Variants in PRKAG2 observed in about 807,000 individuals in gnomAD.
PRKAG2 encodes the protein 5'-AMP-activated protein kinase subunit gamma-2.
PRKAG2 carries 26 observed loss-of-function variants against 69.6 expected under a neutral mutation model. The observed-to-expected ratio is 0.37, with a 90% CI of 0.27 to 0.52. The LOEUF is 0.52. Among genes scored for constraint, PRKAG2 ranks in the 20% least tolerant of loss-of-function variants. The probability of loss-of-function intolerance (pLI) is 0.90; values close to 1 mark genes in which losing one functional copy is unlikely to be tolerated. For synonymous variants in PRKAG2, 293 were observed against 285.0 expected, an observed-to-expected ratio of 1.03 and a Z score of -0.28; for missense variants, 557 against 740.0, an observed-to-expected ratio of 0.75 and a Z score of 2.87.
At chr7:151,710,270 C>A (rs1279206960) in intron 3 of PRKAG2, among the ~76,000 whole-genome samples, 1 of 152,170 alleles carries the variant, frequency 6.6e-6, no homozygotes, top group African/African-American at 2.4e-5. Context: ...CCACCCGTGC[C>A]CCGCCCAGCC....
At chr7:151,773,064 A>G in intron 3 of PRKAG2, among the ~76,000 whole-genome samples, 1 of 34,220 alleles carries the variant, frequency 2.9e-5, no homozygotes, top group Admixed American at 3.2e-4. Flanking sequence ...GGAGGGAGGG[A>G]GGGAGGGAGG....
intron 3 of PRKAG2, among the ~76,000 whole-genome samples, chr7:151,736,754 G>C (rs2536063): frequency 0.69 from 104,788 of 152,120 alleles, 37,177 homozygotes; most frequent in East Asian, 0.91. Context: ...ACAGCTCCCC[G>C]ACTGGAATTT....
At chr7:151,824,673 T>G (rs2078867082) in intron 1 of PRKAG2, among the ~76,000 whole-genome samples, 1 of 152,192 alleles carries the variant, frequency 6.6e-6, no homozygotes, top group Non-Finnish European at 1.5e-5. Flanking sequence ...AGACAGGAAC[T>G]GCTCCTTCAG....
chr7:151,624,598 C>T (rs981082847), intron 5 of PRKAG2, among the ~76,000 whole-genome samples: 7 of 152,142 alleles, frequency 4.6e-5, no homozygotes, highest in African/African-American at 1.4e-4. Context: ...AGTGTAATCA[C>T]GGCCATGAAA....
chr7:151,739,973 A>G (rs2073758977), intron 3 of PRKAG2, among the ~76,000 whole-genome samples: 2 of 152,064 alleles, frequency 1.3e-5, no homozygotes, highest in African/African-American at 2.4e-5. Context: ...CTTCTATTCT[A>G]TATGTGAATG....
intron 3 of PRKAG2, among the ~76,000 whole-genome samples, chr7:151,744,423 C>G (rs369956075): frequency 6.6e-6 from 1 of 152,164 alleles, no homozygotes; most frequent in Non-Finnish European, 1.5e-5. Context: ...TTGTCCCCCA[C>G]CCCACCACTG....
At position 151,675,419 on chromosome 7, in the gene PRKAG2, C is replaced by G; in HGVS notation, c.684+1G>C. On this transcript the variant is annotated splice_donor_variant, in intron 4 of 15. Transcript: ENST00000287878. LOFTEE classifies it high-confidence loss of function. Reference sequence around the variant, plus strand: ...CCACCCACAGAAGGGCCCAGACTTACGGCTTTGGAGGGAGCATAGTGTGTC... The same window carrying G: ...CCACCCACAGAAGGGCCCAGACTTAGGGCTTTGGAGGGAGCATAGTGTGTC... The G allele has an allele frequency of 3.1e-6, 5 of 1,613,654 alleles. No homozygotes were observed. Among genetic ancestry groups the G allele is most frequent in the Non-Finnish European group, 4.2e-6 (5 of 1,179,650 alleles).
intron 4 of PRKAG2, among the ~76,000 whole-genome samples, chr7:151,642,118 G>A (rs972183285): frequency 4.0e-5 from 6 of 150,902 alleles, no homozygotes; most frequent in Admixed American, 2.0e-4. Flanking sequence ...GGTGGATCAC[G>A]AGGTCAGGAG....
At chr7:151,679,412 T>C (rs939283477) in intron 3 of PRKAG2, among the ~76,000 whole-genome samples, 2 of 152,132 alleles carry the variant, frequency 1.3e-5, no homozygotes, top group Non-Finnish European at 2.9e-5. Context: ...TAGGACAGGC[T>C]ATCTCCTCTC....
intron 3 of PRKAG2, among the ~76,000 whole-genome samples, chr7:151,762,867 G>A (rs146086925): frequency 3.9e-5 from 6 of 152,302 alleles, no homozygotes; most frequent in Non-Finnish European, 8.8e-5. Flanking sequence ...CTCCCTGACT[G>A]ATGGCTGGCT....
chr7:151,830,019 T>C (rs1301281700), intron 1 of PRKAG2, among the ~76,000 whole-genome samples: 1 of 151,748 alleles, frequency 6.6e-6, no homozygotes, highest in Non-Finnish European at 1.5e-5. Flanking sequence ...AGAACCACAC[T>C]TTCTGCGTTA....
At chr7:151,810,276 C>A (rs1220382593) in intron 1 of PRKAG2, 1 of 152,174 alleles carries the variant, frequency 6.6e-6, no homozygotes, top group Non-Finnish European at 1.5e-5. Context: ...AAAGCAAGAA[C>A]GTCTTCATCT....
intron 3 of PRKAG2, among the ~76,000 whole-genome samples, chr7:151,764,378 G>A (rs1408751212): frequency 6.6e-6 from 1 of 152,162 alleles, no homozygotes; most frequent in Non-Finnish European, 1.5e-5. Context: ...AGAGGTTGGC[G>A]CCCTTCCTTG....
rs372273046 is a variant in PRKAG2, at chr7:151,570,046, T to A, written c.1106+125A>T. The A allele has an allele frequency of 2.4e-5, 27 of 1,134,694 alleles. No individual in the cohort carries two copies. In the East Asian group the frequency reaches 5.6e-4, roughly 24 times the overall value. The allele number at this position is 1,134,694 out of a possible 1,614,324, so 70.3% of individuals were successfully genotyped here. A position where few individuals can be genotyped will look rare whatever the true frequency, so the allele number is the denominator to read the frequency against. Reference sequence around the variant, plus strand: ...ATTTACTGAATGCGTACAGTGTAGCTGGAATTAAGGAGGCAGGCCCTGTTT... The same window carrying A: ...ATTTACTGAATGCGTACAGTGTAGCAGGAATTAAGGAGGCAGGCCCTGTTT... On this transcript the variant is annotated intron_variant, in intron 10 of 15. Transcript: ENST00000287878.
chr7:151,856,928 A>G (rs2079793870), intron 1 of PRKAG2, among the ~76,000 whole-genome samples: 3 of 152,196 alleles, frequency 2.0e-5, no homozygotes, highest in Admixed American at 2.0e-4. Flanking sequence ...GAGCAGAGAA[A>G]GAGGAAAGAA....
chr7:151,812,312 G>A (rs62478247), intron 1 of PRKAG2, among the ~76,000 whole-genome samples: 32,606 of 152,112 alleles, frequency 0.21, 3,615 homozygotes, highest in South Asian at 0.32. Context: ...TTGTTAGAAG[G>A]GGGTGTGGTG....
intron 3 of PRKAG2, among the ~76,000 whole-genome samples, chr7:151,733,915 G>C (rs968017237): frequency 1.3e-5 from 2 of 151,776 alleles, no homozygotes; most frequent in Non-Finnish European, 2.9e-5. Context: ...GGCTGGTCTC[G>C]AACTCCTAGG....
chr7:151,559,435 T>G lies in PRKAG2; in HGVS notation c.1678+1089A>C, dbSNP rs1044963402. On this transcript the variant is annotated intron_variant, in intron 15 of 15. Transcript: ENST00000287878. ...AAGTGACTGCACCAGGCCCCATTTC[T>G]AGAGTTTCTGATTCAGTGGATATGG... The G allele has an allele frequency of 7.1e-6, 7 of 985,316 alleles. No homozygotes were observed. In the African/African-American group the frequency reaches 1.0e-4, roughly 15 times the overall value. The allele number at this position is 985,316 out of a possible 1,614,324, so 61.0% of individuals were successfully genotyped here.
At chr7:151,816,755 C>G (rs1003338206) in intron 1 of PRKAG2, among the ~76,000 whole-genome samples, 1 of 152,238 alleles carries the variant, frequency 6.6e-6, no homozygotes, top group African/African-American at 2.4e-5. Flanking sequence ...AATATTTTCT[C>G]CTGCTGGTTC....
Sources: gnomAD v4.1 joint callset for allele counts (sites outside exome capture counted in the v4.1 genomes callset) on GRCh38, gnomAD v4.1.1 for gene constraint, MANE v1.5 for transcripts, NCBI Gene and HGNC (gene_info 2026-07-23, HGNC 2026-07-21) for gene names.